L3MBTL4: variants seen among roughly 807,000 people sequenced by gnomAD.
L3MBTL4 encodes lethal(3)malignant brain tumor-like protein 4.
In L3MBTL4, 70 loss-of-function variants were observed where a neutral mutation model predicts 84.5. The ratio of observed to expected loss-of-function variants is 0.83; its 90% CI spans 0.68 to 1.01. The LOEUF is 1.01. L3MBTL4 is among the 50% of genes least tolerant of loss of function. The pLI is 0.00. For synonymous variants in L3MBTL4, 274 were observed against 259.8 expected, an observed-to-expected ratio of 1.05 and a Z score of -0.52; for missense variants, 715 against 754.8, an observed-to-expected ratio of 0.95 and a Z score of 0.62.
At chr18:6,407,716 T>C (rs966029950) in intron 1 of L3MBTL4, among the ~76,000 whole-genome samples, 2 of 152,206 alleles carry the variant, frequency 1.3e-5, no homozygotes, top group African/African-American at 4.8e-5. Flanking sequence ...TGTCACTAGT[T>C]GACACAAAAT....
chr18:6,254,356 G>C (rs9965368), intron 5 of L3MBTL4, among the ~76,000 whole-genome samples: 2,277 of 151,306 alleles, frequency 0.015, 45 homozygotes, highest in African/African-American at 0.052. Context: ...GTTCATCATG[G>C]GGATACAGGC....
At chr18:6,339,236 T>A (rs948218175) in intron 1 of L3MBTL4, among the ~76,000 whole-genome samples, 3 of 152,188 alleles carry the variant, frequency 2.0e-5, no homozygotes, top group Non-Finnish European at 4.4e-5. Context: ...TTACCAAAAT[T>A]GACTATGTAT....
At chr18:6,302,251 TG>T (rs927265831) in intron 3 of L3MBTL4, among the ~76,000 whole-genome samples, 2 of 152,180 alleles carry the variant, frequency 1.3e-5, no homozygotes, top group Admixed American at 6.5e-5. Context: ...AGTGGATCCC[TG>T]GGCCTGACAG....
intron 13 of L3MBTL4, among the ~76,000 whole-genome samples, chr18:6,140,174 T>C (rs1285120407): frequency 6.6e-6 from 1 of 152,206 alleles, no homozygotes; most frequent in African/African-American, 2.4e-5. Flanking sequence ...CTGCTGCTGA[T>C]GTTTTCAACA....
In L3MBTL4 at chr18:6,171,948, A is replaced by T; in HGVS notation, c.982-6T>A. ...TCCCAACCATCAAAATGAACCTGTT[A>T]AAACGAGTTTTGAATGATTAGCATT... is the stretch of plus-strand genomic sequence containing the variant. On this transcript the variant is annotated splice_polypyrimidine_tract_variant and splice_region_variant and intron_variant, in intron 12 of 18. Coordinates refer to ENST00000317931, the MANE Select transcript of L3MBTL4 (RefSeq NM_001330559.2). 1 of 1,452,456 alleles carries T rather than the reference A, an allele frequency of 6.9e-7. No homozygotes were observed. Among genetic ancestry groups the T allele is most frequent in the Non-Finnish European group, 9.4e-7 (1 of 1,061,260 alleles). 90.0% of individuals were successfully genotyped at this position (1,452,456 alleles called of 1,614,324 possible).
At chr18:6,077,801 T>G (rs2057911344) in intron 16 of L3MBTL4, among the ~76,000 whole-genome samples, 1 of 142,550 alleles carries the variant, frequency 7.0e-6, no homozygotes, top group African/African-American at 2.6e-5. Flanking sequence ...GAGGCCGAGG[T>G]CAGTGGATCA....
intron 14 of L3MBTL4, among the ~76,000 whole-genome samples, chr18:6,110,360 G>T (rs182225527): frequency 3.8e-4 from 58 of 152,250 alleles, no homozygotes; most frequent in African/African-American, 1.3e-3. Context: ...ATGCGTGTGT[G>T]CGTGCATGTC....
chr18:6,149,396 G>T (rs2042793155), intron 13 of L3MBTL4, among the ~76,000 whole-genome samples: 1 of 151,860 alleles, frequency 6.6e-6, no homozygotes, highest in Admixed American at 6.6e-5. Flanking sequence ...TTTTATGGCT[G>T]CATAGTATTC....
At chr18:6,412,479 T>G (rs2144768186) in intron 1 of L3MBTL4, among the ~76,000 whole-genome samples, 1 of 152,272 alleles carries the variant, frequency 6.6e-6, no homozygotes, top group South Asian at 2.1e-4. Context: ...GAGGAGGGAT[T>G]GAAGCTTCTG....
intron 15 of L3MBTL4, among the ~76,000 whole-genome samples, chr18:6,092,329 A>G (rs767640006): frequency 2.6e-5 from 4 of 152,246 alleles, no homozygotes; most frequent in Non-Finnish European, 5.9e-5. Context: ...TTCTCCGAAT[A>G]AACTGGCGCC....
chr18:5,981,974 CTG>C (rs374606293), intron 16 of L3MBTL4, among the ~76,000 whole-genome samples: 1,922 of 137,360 alleles, frequency 0.014, 35 homozygotes, highest in African/African-American at 0.042. Flanking sequence ...TTTCAATATT[CTG>C]TGTGTGTGTG....
chr18:5,959,691 G>T (rs188343076), intron 18 of L3MBTL4, among the ~76,000 whole-genome samples: 1 of 152,068 alleles, frequency 6.6e-6, no homozygotes, highest in South Asian at 2.1e-4. Context: ...CTGCCTTCCC[G>T]CAAATGGCTT....
At chr18:6,323,915 C>A (rs1243234925) in intron 1 of L3MBTL4, among the ~76,000 whole-genome samples, 2 of 152,202 alleles carry the variant, frequency 1.3e-5, no homozygotes, top group African/African-American at 4.8e-5. Context: ...ACATTCCTGG[C>A]AGCCCCTCCC....
intron 14 of L3MBTL4, among the ~76,000 whole-genome samples, chr18:6,121,128 G>T (rs1002047883): frequency 2.0e-5 from 3 of 151,990 alleles, no homozygotes; most frequent in Non-Finnish European, 4.4e-5. Flanking sequence ...TGAACTTTCT[G>T]CAGCATGTAC....
rs1202270037 is a variant in L3MBTL4 at position 6,116,751 on chromosome 18, TA to T, written c.1199+21442del. On this transcript the variant is annotated intron_variant, in intron 14 of 18. Coordinates refer to ENST00000317931, the MANE Select transcript of L3MBTL4 (RefSeq NM_001330559.2). ...GTTTTTTTGTTGAATATATCCCAAA[TA>T]AAAAGGCATAATACATACGCATGCT... is the stretch of plus-strand genomic sequence containing the variant. Among the ~76,000 whole-genome samples the T allele has an allele frequency of 5.9e-5, 9 of 152,268 alleles. No homozygotes were observed. The East Asian group carries it at 1.7e-3, about 29-fold the overall frequency.
intron 13 of L3MBTL4, among the ~76,000 whole-genome samples, chr18:6,170,492 A>G (rs1475871292): frequency 6.6e-6 from 1 of 152,182 alleles, no homozygotes; most frequent in African/African-American, 2.4e-5. Context: ...CTTAGGAAGC[A>G]AACGGTAGAA....
At chr18:6,160,025 G>GT (rs1568223906) in intron 13 of L3MBTL4, among the ~76,000 whole-genome samples, 1 of 152,122 alleles carries the variant, frequency 6.6e-6, no homozygotes, top group Non-Finnish European at 1.5e-5. Flanking sequence ...GAAGGGTGAC[G>GT]TAAGTACAGC....
At chr18:6,149,728 A>T (rs961696926) in intron 13 of L3MBTL4, among the ~76,000 whole-genome samples, 1 of 152,010 alleles carries the variant, frequency 6.6e-6, no homozygotes, top group Non-Finnish European at 1.5e-5. Flanking sequence ...TTTGCCCTAA[A>T]CCTCCTTTAG....
intron 5 of L3MBTL4, among the ~76,000 whole-genome samples, chr18:6,253,017 C>A (rs111738650): frequency 2.0e-5 from 3 of 152,012 alleles, no homozygotes; most frequent in Admixed American, 2.0e-4. Flanking sequence ...TCCTGGCCAA[C>A]GTGGTGAAAC....
Sources: gnomAD v4.1 joint callset for allele counts (sites outside exome capture counted in the v4.1 genomes callset) on GRCh38, gnomAD v4.1.1 for gene constraint, MANE v1.5 for transcripts, NCBI Gene and HGNC (gene_info 2026-07-23, HGNC 2026-07-21) for gene names.